Variants in ZSCAN30 observed in about 807,000 individuals in gnomAD.
ZSCAN30 encodes the protein zinc finger and SCAN domain-containing protein 30.
In ZSCAN30, 37 loss-of-function variants were observed where a neutral mutation model predicts 44.3. The observed-to-expected ratio is 0.84, with a 90% CI of 0.64 to 1.10. The LOEUF (loss-of-function observed/expected upper bound fraction) is 1.10, where lower values mean the gene tolerates loss of function less well. ZSCAN30 is among the 50% of genes least tolerant of loss of function. ZSCAN30 has a pLI of 0.00. For synonymous variants in ZSCAN30, 181 were observed against 204.6 expected, an observed-to-expected ratio of 0.88 and a Z score of 0.98; for missense variants, 549 against 582.6, an observed-to-expected ratio of 0.94 and a Z score of 0.59.
chr18:35,264,473 T>C lies in ZSCAN30; in HGVS notation c.-103-18A>G. 1.5e-5 allele frequency: 15 copies of C among 1,006,552 alleles called. No homozygotes were observed. The highest frequency in any genetic ancestry group is 2.0e-5 in the Non-Finnish European group (14 of 701,042). 62.4% of individuals were successfully genotyped at this position (1,006,552 alleles called of 1,614,324 possible). ...GGACGCTCCTGAGGGTGGACAATGC[T>C]CATGTTACACAGGGAAAATAATGTA... On this transcript the variant is annotated intron_variant, in intron 1 of 3. Transcript: ENST00000333206.
chr18:35,273,958 C>G (rs778288013), intron 1 of ZSCAN30, among the ~76,000 whole-genome samples: 1 of 152,120 alleles, frequency 6.6e-6, no homozygotes, highest in African/African-American at 2.4e-5. Flanking sequence ...GCTCGGTTGC[C>G]TGGTTATCTT....
intron 1 of ZSCAN30, among the ~76,000 whole-genome samples, chr18:35,265,291 AAC>A (rs983824290): frequency 2.0e-4 from 31 of 152,208 alleles, no homozygotes; most frequent in Admixed American, 2.0e-3. Flanking sequence ...AAAAGAAGGG[AAC>A]TCACACTTAA....
At chr18:35,286,013 A>G (rs1279352587) in intron 1 of ZSCAN30, among the ~76,000 whole-genome samples, 1 of 152,194 alleles carries the variant, frequency 6.6e-6, no homozygotes, top group Non-Finnish European at 1.5e-5. Context: ...GAAAGAGGTA[A>G]CATCACTGCA....
intron 3 of ZSCAN30, chr18:35,258,900 A>T (rs1192879803): frequency 1.3e-5 from 2 of 152,582 alleles, no homozygotes; most frequent in African/African-American, 4.9e-5. Flanking sequence ...AAAAAAAAAA[A>T]AGGTCAAAGT....
intron 3 of ZSCAN30, chr18:35,259,285 G>A (rs1408288559): frequency 6.6e-6 from 1 of 152,224 alleles, no homozygotes; most frequent in Non-Finnish European, 1.5e-5. Context: ...TCCACCTTCT[G>A]GGCTCAGGTG....
At chr18:35,281,052 T>G (rs1272800919) in intron 1 of ZSCAN30, 1 of 152,222 alleles carries the variant, frequency 6.6e-6, no homozygotes, top group African/African-American at 2.4e-5. Context: ...TCAAATAAAT[T>G]TACTATCTCA....
intron 3 of ZSCAN30, chr18:35,257,530 C>G (rs2143671501): frequency 4.5e-6 from 1 of 222,648 alleles, no homozygotes; most frequent in East Asian, 1.2e-4. Context: ...AAGGTGCCAT[C>G]CATGAGAAAG....
intron 1 of ZSCAN30, chr18:35,283,923 C>T (rs1487673918): frequency 6.6e-6 from 1 of 152,376 alleles, no homozygotes; most frequent in East Asian, 1.9e-4. Context: ...GGTATGTAGA[C>T]AAGTGGAGGC....
At chr18:35,259,105 C>T (rs1312036469) in intron 3 of ZSCAN30, 2 of 152,418 alleles carry the variant, frequency 1.3e-5, no homozygotes, top group Non-Finnish European at 2.9e-5. Flanking sequence ...AATCTCTTTT[C>T]TCACAATTCT....
At chr18:35,287,674 C>A (rs2044577430) in intron 1 of ZSCAN30, among the ~76,000 whole-genome samples, 1 of 150,148 alleles carries the variant, frequency 6.7e-6, no homozygotes, top group Admixed American at 6.6e-5. Flanking sequence ...AAATGTAAAA[C>A]CTAAAAATCC....
chr18:35,288,034 G>A (rs1012071520), intron 1 of ZSCAN30, among the ~76,000 whole-genome samples: 2 of 151,766 alleles, frequency 1.3e-5, no homozygotes, highest in South Asian at 2.1e-4. Context: ...CACCACATCC[G>A]ACAATTTTTT....
At chr18:35,271,952 G>A (rs1451419698) in intron 1 of ZSCAN30, among the ~76,000 whole-genome samples, 3 of 152,108 alleles carry the variant, frequency 2.0e-5, no homozygotes, top group South Asian at 2.1e-4. Flanking sequence ...TGCGGGGCCC[G>A]CCGAGCCCGC....
At chr18:35,289,537 A>AAC (rs1598663489) in intron 1 of ZSCAN30, 4 of 152,166 alleles carry the variant, frequency 2.6e-5, no homozygotes. Flanking sequence ...ATTGGTCTCA[A>AAC]CAGAAATGAG....
intron 3 of ZSCAN30, chr18:35,257,811 A>T (rs1379172912): frequency 3.9e-6 from 3 of 768,454 alleles, no homozygotes; most frequent in Admixed American, 3.5e-5. Context: ...CAGTGCAATT[A>T]TGCTTCAGCG....
chr18:35,264,153 C>T lies in ZSCAN30; in HGVS notation c.200G>A (p.Ser67Asn). 3.7e-6 allele frequency: 6 copies of T among 1,614,254 alleles called. 1 individual carries two copies. Among genetic ancestry groups the T allele is most frequent in the South Asian group, 2.2e-5 (2 of 91,086 alleles). ...CTGACAGCAAAGCTCTCGCAGCCGG[C>T]TCAGAGCCTCCCGAGGGCCAGTGGA... is the stretch of plus-strand genomic sequence containing the variant. ...SDSTGPREAL[S>N]RLRELCCQWL... Residue 67 changes from serine to asparagine, a missense_variant, in exon 2 of 4, where the codon AGC becomes AAC. Physicochemically the swap from Ser to Asn is conservative, Grantham distance 46. Transcript: ENST00000333206.
chr18:35,271,898 C>T (rs1176780057), intron 1 of ZSCAN30, among the ~76,000 whole-genome samples: 2 of 152,148 alleles, frequency 1.3e-5, no homozygotes, highest in African/African-American at 4.8e-5. Flanking sequence ...GGGTGCTAAG[C>T]CCCTTACTGC....
At chr18:35,273,571 A>G (rs2044320874) in intron 1 of ZSCAN30, among the ~76,000 whole-genome samples, 1 of 152,174 alleles carries the variant, frequency 6.6e-6, no homozygotes, top group Non-Finnish European at 1.5e-5. Flanking sequence ...ACTTCATTCC[A>G]TTGTATGTAT....
chr18:35,286,982 G>C (rs2044563864), intron 1 of ZSCAN30, among the ~76,000 whole-genome samples: 1 of 151,958 alleles, frequency 6.6e-6, no homozygotes, highest in Non-Finnish European at 1.5e-5. Flanking sequence ...CAAGATACAA[G>C]ATTAATATAC....
chr18:35,271,716 G>A (rs568676239), intron 1 of ZSCAN30, among the ~76,000 whole-genome samples: 5 of 152,352 alleles, frequency 3.3e-5, no homozygotes, highest in South Asian at 4.1e-4. Flanking sequence ...GGCACCCGCC[G>A]GGGAGGCTCC....
Sources: gnomAD v4.1 joint callset for allele counts (sites outside exome capture counted in the v4.1 genomes callset) on GRCh38, gnomAD v4.1.1 for gene constraint, MANE v1.5 for transcripts, NCBI Gene and HGNC (gene_info 2026-07-23, HGNC 2026-07-21) for gene names.